Variants in CLSTN2 observed in about 807,000 individuals in gnomAD.
The protein encoded by CLSTN2 is calsyntenin-2.
A neutral mutation model predicts 101.2 loss-of-function variants in CLSTN2; 48 were observed. That is an observed-to-expected ratio of 0.47 (90% CI 0.38 to 0.60). The LOEUF is 0.60. Ranked by LOEUF, CLSTN2 falls within the 20% of genes least tolerant of loss-of-function variation. The probability of loss-of-function intolerance (pLI) is 0.00; values close to 1 mark genes in which losing one functional copy is unlikely to be tolerated. For synonymous variants in CLSTN2, 481 were observed against 463.6 expected (o/e 1.04, Z -0.48); for missense variants, 1,160 against 1,238.2 (o/e 0.94, Z 0.95).
chr3:140,536,676 C>T lies in CLSTN2; in HGVS notation c.1507+4190C>T, dbSNP rs1935364595. On this transcript the variant is annotated intron_variant, in intron 9 of 16. Coordinates refer to ENST00000458420, the MANE Select transcript of CLSTN2 (RefSeq NM_022131.3). ...AGTATTTTCTCTAGAGAAATGACAACCCATTGGTGAATTTTCAGCAGAGGA... is the reference window on the plus strand; with the variant it reads ...AGTATTTTCTCTAGAGAAATGACAATCCATTGGTGAATTTTCAGCAGAGGA... 2.6e-5 allele frequency among the ~76,000 whole-genome samples: 4 copies of T among 152,114 alleles called. No homozygotes were observed. In the South Asian group the frequency reaches 8.3e-4, roughly 32 times the overall value.
intron 1 of CLSTN2, among the ~76,000 whole-genome samples, chr3:139,975,567 T>G (rs1017819622): frequency 2.6e-5 from 4 of 152,146 alleles, no homozygotes; most frequent in African/African-American, 9.7e-5. Context: ...CAGGAGCTCT[T>G]GGTTATAAGA....
chr3:140,523,793 C>T (rs1378947478), intron 8 of CLSTN2, among the ~76,000 whole-genome samples: 1 of 152,254 alleles, frequency 6.6e-6, no homozygotes, highest in Non-Finnish European at 1.5e-5. Flanking sequence ...CTGTCTGTCT[C>T]ATTCTGTGGT....
chr3:139,945,714 C>T (rs1218270426), intron 1 of CLSTN2, among the ~76,000 whole-genome samples: 1 of 152,266 alleles, frequency 6.6e-6, no homozygotes, highest in Middle Eastern at 3.4e-3. Context: ...AACTGCATTG[C>T]AGCAGATTAA....
intron 2 of CLSTN2, among the ~76,000 whole-genome samples, chr3:140,221,133 G>A (rs973239904): frequency 2.0e-5 from 3 of 152,226 alleles, no homozygotes; most frequent in Non-Finnish European, 4.4e-5. Flanking sequence ...CCCTGGTAGA[G>A]AGGGCATTTT....
At chr3:140,382,344 T>C (rs1396539187) in intron 2 of CLSTN2, among the ~76,000 whole-genome samples, 1 of 152,216 alleles carries the variant, frequency 6.6e-6, no homozygotes, top group East Asian at 1.9e-4. Flanking sequence ...GGTGCTGGAC[T>C]GTTATGTGAA....
At chr3:140,248,046 A>G (rs1396464628) in intron 2 of CLSTN2, among the ~76,000 whole-genome samples, 1 of 152,172 alleles carries the variant, frequency 6.6e-6, no homozygotes, top group African/African-American at 2.4e-5. Context: ...ATGCCAGTAC[A>G]TTTCAGACCT....
chr3:140,471,525 C>T (rs966589738), intron 8 of CLSTN2, among the ~76,000 whole-genome samples: 1 of 152,142 alleles, frequency 6.6e-6, no homozygotes. Context: ...CCTCTCTGTG[C>T]CAGAAATTGT....
At chr3:140,447,209 T>C (rs115132558) in intron 5 of CLSTN2, among the ~76,000 whole-genome samples, 1 of 152,240 alleles carries the variant, frequency 6.6e-6, no homozygotes, top group Non-Finnish European at 1.5e-5. Context: ...AGGGATATCA[T>C]CTAGCAATGT....
intron 1 of CLSTN2, among the ~76,000 whole-genome samples, chr3:140,121,790 G>C (rs562174359): frequency 3.9e-5 from 6 of 152,192 alleles, no homozygotes; most frequent in Non-Finnish European, 8.8e-5. Flanking sequence ...CATTGAGACT[G>C]TCCATAGCAG....
intron 1 of CLSTN2, among the ~76,000 whole-genome samples, chr3:140,173,056 A>G (rs1219779849): frequency 6.6e-6 from 1 of 152,238 alleles, no homozygotes; most frequent in East Asian, 1.9e-4. Context: ...TCATTTTAGC[A>G]TTAATCAAAA....
intron 1 of CLSTN2, among the ~76,000 whole-genome samples, chr3:139,956,636 A>G (rs1935406566): frequency 6.6e-6 from 1 of 152,206 alleles, no homozygotes; most frequent in South Asian, 2.1e-4. Context: ...AATAACCATG[A>G]AGAAAACAGA....
chr3:140,177,058 A>C (rs2010336378), intron 2 of CLSTN2, among the ~76,000 whole-genome samples: 1 of 152,198 alleles, frequency 6.6e-6, no homozygotes, highest in Admixed American at 6.5e-5. Flanking sequence ...ATGGAGCGAG[A>C]AGGTAGTTAT....
At chr3:140,226,580 TAATAA>T (rs2086322238) in intron 2 of CLSTN2, among the ~76,000 whole-genome samples, 1 of 152,206 alleles carries the variant, frequency 6.6e-6, no homozygotes, top group Admixed American at 6.5e-5. Flanking sequence ...AAATTTTTTA[TAATAA>T]AATGTTGGAA....
At chr3:140,371,212 G>T (rs937389401) in intron 2 of CLSTN2, among the ~76,000 whole-genome samples, 3 of 152,160 alleles carry the variant, frequency 2.0e-5, no homozygotes, top group Non-Finnish European at 2.9e-5. Context: ...TGGAGACAGG[G>T]ATCTGAGAGG....
intron 5 of CLSTN2, 142 bp from the exon 6 acceptor site, chr3:140,448,377 A>G (rs1267805354): frequency 2.8e-6 from 2 of 708,978 alleles, no homozygotes; most frequent in Non-Finnish European, 4.7e-6. Flanking sequence ...TAAAACTGCC[A>G]TTATTCTCAA....
At chr3:140,487,691 T>C (rs1253319002) in intron 8 of CLSTN2, among the ~76,000 whole-genome samples, 1 of 152,212 alleles carries the variant, frequency 6.6e-6, no homozygotes, top group African/African-American at 2.4e-5. Context: ...CAGCATCACA[T>C]GAAATGTTAG....
At chr3:140,123,162 A>G (rs4683802) in intron 1 of CLSTN2, among the ~76,000 whole-genome samples, 101,111 of 127,174 alleles carry the variant, frequency 0.8, 39,379 homozygotes, top group African/African-American at 0.91. Flanking sequence ...TGTGTCCTCC[A>G]GGGCGGGGGG....
At chr3:140,480,815 TG>T (rs1167736652) in intron 8 of CLSTN2, among the ~76,000 whole-genome samples, 1 of 152,250 alleles carries the variant, frequency 6.6e-6, no homozygotes, top group Non-Finnish European at 1.5e-5. Flanking sequence ...CTCGTAAATT[TG>T]TTGGAGTTCA....
chr3:140,270,463 G>A (rs371480221), intron 2 of CLSTN2, among the ~76,000 whole-genome samples: 20 of 152,110 alleles, frequency 1.3e-4, no homozygotes, highest in African/African-American at 4.1e-4. Flanking sequence ...TCTGCCGTCC[G>A]GTTGTTAGGG....
Sources: allele counts gnomAD v4.1 joint callset (sites outside exome capture counted in the v4.1 genomes callset), GRCh38; gene constraint gnomAD v4.1.1; transcripts MANE v1.5; gene names NCBI Gene and HGNC (gene_info 2026-07-23, HGNC 2026-07-21).